Variants in PAM observed in about 807,000 individuals in gnomAD.
The protein encoded by PAM is peptidylglycine alpha-amidating monooxygenase.
In PAM, 72 loss-of-function variants were observed where a neutral mutation model predicts 122.1. The observed-to-expected ratio is 0.59, with a 90% CI of 0.49 to 0.72. The LOEUF is 0.72. PAM is among the 30% of genes least tolerant of loss of function. The pLI is 0.00. For missense variants in PAM, 1,106 were observed against 1,183.7 expected, an observed-to-expected ratio of 0.93 and a Z score of 0.96; for synonymous variants, 389 against 404.4, an observed-to-expected ratio of 0.96 and a Z score of 0.46.
chr5:102,844,964 G>T (rs111723973), intron 1 of PAM, among the ~76,000 whole-genome samples: 1 of 152,164 alleles, frequency 6.6e-6, no homozygotes, highest in African/African-American at 2.4e-5. Context: ...ATTGTAAGTT[G>T]TAGTCAAATT....
chr5:102,945,374 G>T (rs1486841338), intron 7 of PAM, among the ~76,000 whole-genome samples: 2 of 148,134 alleles, frequency 1.4e-5, no homozygotes, highest in Non-Finnish European at 3.0e-5. Flanking sequence ...AATTTGGCAT[G>T]TGGAAATGTG....
At chr5:102,863,748 T>A (rs1784775064) in intron 1 of PAM, among the ~76,000 whole-genome samples, 1 of 150,916 alleles carries the variant, frequency 6.6e-6, no homozygotes, top group South Asian at 2.1e-4. Context: ...ATGTTCTACA[T>A]TATCCAGAAT....
chr5:102,769,832 C>T (rs1380557809), intron 1 of PAM, among the ~76,000 whole-genome samples: 3 of 152,018 alleles, frequency 2.0e-5, no homozygotes, highest in Non-Finnish European at 2.9e-5. Flanking sequence ...TTTGGCTATT[C>T]TGGGTCTTTT....
At chr5:102,881,494 C>G (rs547801248) in intron 3 of PAM, among the ~76,000 whole-genome samples, 1 of 152,022 alleles carries the variant, frequency 6.6e-6, no homozygotes, top group South Asian at 2.1e-4. Flanking sequence ...CTGCTACAAG[C>G]TTTTTAGGAA....
intron 1 of PAM, among the ~76,000 whole-genome samples, chr5:102,783,325 A>G (rs1248775336): frequency 6.6e-6 from 1 of 152,198 alleles, no homozygotes; most frequent in African/African-American, 2.4e-5. Flanking sequence ...TGGGACAAAT[A>G]TGATTCAGTT....
At chr5:102,985,000 T>C (rs1771277972) in intron 15 of PAM, among the ~76,000 whole-genome samples, 1 of 150,108 alleles carries the variant, frequency 6.7e-6, no homozygotes, top group South Asian at 2.1e-4. Context: ...AGTGAAGAAA[T>C]TATGAAGGAA....
intron 3 of PAM, among the ~76,000 whole-genome samples, chr5:102,870,610 TTCTGTC>T (rs1011553033): frequency 6.6e-6 from 1 of 152,246 alleles, no homozygotes; most frequent in African/African-American, 2.4e-5. Flanking sequence ...AGTAAGCTTA[TTCTGTC>T]TCTTCTCTGA....
intron 7 of PAM, among the ~76,000 whole-genome samples, chr5:102,941,597 A>G (rs78214107): frequency 1.3e-5 from 2 of 152,196 alleles, no homozygotes; most frequent in African/African-American, 2.4e-5. Flanking sequence ...TTTTGAATGG[A>G]GACTATTTTA....
intron 1 of PAM, among the ~76,000 whole-genome samples, chr5:102,837,030 A>G (rs1225180089): frequency 6.6e-6 from 1 of 152,114 alleles, no homozygotes; most frequent in Non-Finnish European, 1.5e-5. Flanking sequence ...ACAGATTCCT[A>G]GTAGCTTGGC....
intron 1 of PAM, among the ~76,000 whole-genome samples, chr5:102,803,151 AAGGAAGG>A (rs1561486651): frequency 4.7e-4 from 3 of 6,404 alleles, no homozygotes; most frequent in South Asian, 4.6e-3. Flanking sequence ...GAAAGAAAGG[AAGGAAGG>A]AAGGAAGGAA....
intron 12 of PAM, among the ~76,000 whole-genome samples, chr5:102,959,298 G>T (rs982224221): frequency 7.2e-5 from 11 of 151,952 alleles, no homozygotes; most frequent in Non-Finnish European, 1.6e-4. Flanking sequence ...CAGACATCAG[G>T]GATACACTTT....
At chr5:102,992,494 A>C (rs1374363852) in intron 16 of PAM, among the ~76,000 whole-genome samples, 1 of 152,078 alleles carries the variant, frequency 6.6e-6, no homozygotes, top group Non-Finnish European at 1.5e-5. Flanking sequence ...GTTATTTTTT[A>C]GGAAAATAAA....
chr5:102,943,916 T>C (rs1292724604), intron 7 of PAM, among the ~76,000 whole-genome samples: 1 of 152,204 alleles, frequency 6.6e-6, no homozygotes. Flanking sequence ...GATTGAATGC[T>C]ATTTTCAAGT....
At chr5:102,901,182 T>C (rs918545031) in intron 3 of PAM, among the ~76,000 whole-genome samples, 174 bp from the exon 4 acceptor site, 4 of 151,572 alleles carry the variant, frequency 2.6e-5, no homozygotes, top group African/African-American at 9.7e-5. Flanking sequence ...GACAAACTTT[T>C]AGGGTATCTA....
At chr5:102,842,629 T>C (rs969564836) in intron 1 of PAM, among the ~76,000 whole-genome samples, 10 of 152,186 alleles carry the variant, frequency 6.6e-5, no homozygotes, top group African/African-American at 2.4e-4. Context: ...AACACAAATA[T>C]GTACAAAATT....
At chr5:102,952,024 A>C (rs1759075100) in intron 12 of PAM, among the ~76,000 whole-genome samples, 1 of 152,084 alleles carries the variant, frequency 6.6e-6, no homozygotes, top group Non-Finnish European at 1.5e-5. Flanking sequence ...GGTATCCATC[A>C]GTTGTTCATT....
chr5:103,007,340 T>C (rs1169960809), intron 19 of PAM, 117 bp from the exon 20 acceptor site: 1 of 796,812 alleles, frequency 1.3e-6, no homozygotes, highest in East Asian at 2.4e-5. Flanking sequence ...TTACCTTATC[T>C]TTCCCCTGGC....
intron 15 of PAM, among the ~76,000 whole-genome samples, chr5:102,980,132 A>T (rs1427121232): frequency 6.6e-6 from 1 of 152,118 alleles, no homozygotes; most frequent in African/African-American, 2.4e-5. Context: ...AAAACAAGCA[A>T]TCAAGCTTGA....
intron 1 of PAM, among the ~76,000 whole-genome samples, chr5:102,777,080 G>A (rs1324057096): frequency 1.3e-5 from 2 of 151,956 alleles, no homozygotes; most frequent in African/African-American, 4.8e-5. Context: ...GTATTGTAGG[G>A]CAGTTTTCTA....
Sources: gnomAD v4.1 joint callset for allele counts (sites outside exome capture counted in the v4.1 genomes callset) on GRCh38, gnomAD v4.1.1 for gene constraint, MANE v1.5 for transcripts, NCBI Gene and HGNC (gene_info 2026-07-23, HGNC 2026-07-21) for gene names.